The following COX7B2 variants were observed in gnomAD, a reference collection of about 807,000 sequenced individuals.
COX7B2 encodes the protein cytochrome c oxidase subunit 7B2, mitochondrial.
For synonymous variants in COX7B2, 37 were observed against 32.1 expected, an observed-to-expected ratio of 1.15 and a Z score of -0.51; for missense variants, 109 against 95.9, an observed-to-expected ratio of 1.14 and a Z score of -0.57.
At chr4:46,890,340 C>T (rs1268644852) in intron 1 of COX7B2, among the ~76,000 whole-genome samples, 1 of 152,106 alleles carries the variant, frequency 6.6e-6, no homozygotes, top group African/African-American at 2.4e-5. Flanking sequence ...TTTGCCTATG[C>T]CAATAGAAAG....
intron 1 of COX7B2, among the ~76,000 whole-genome samples, chr4:46,891,541 C>A (rs1719431019): frequency 6.6e-6 from 1 of 152,142 alleles, no homozygotes; most frequent in South Asian, 2.1e-4. Flanking sequence ...TTGAATAATA[C>A]TTCTTAAAGT....
At chr4:46,807,550 T>A (rs182269505) in intron 2 of COX7B2, among the ~76,000 whole-genome samples, 1 of 152,006 alleles carries the variant, frequency 6.6e-6, no homozygotes, top group East Asian at 1.9e-4. Flanking sequence ...TTTTGTGGCC[T>A]GAGCTTTTGG....
chr4:46,875,203 T>G (rs1718247735), intron 1 of COX7B2, among the ~76,000 whole-genome samples: 1 of 152,342 alleles, frequency 6.6e-6, no homozygotes, highest in South Asian at 2.1e-4. Flanking sequence ...TGTAGATTTT[T>G]TGGAAATGTT....
At chr4:46,818,499 T>C (rs1484308069) in intron 2 of COX7B2, among the ~76,000 whole-genome samples, 1 of 151,908 alleles carries the variant, frequency 6.6e-6, no homozygotes, top group Non-Finnish European at 1.5e-5. Flanking sequence ...TAGCTGGGTG[T>C]GGTGGCGAGC....
chr4:46,856,211 C>A (rs1717002697), intron 1 of COX7B2, among the ~76,000 whole-genome samples: 1 of 152,008 alleles, frequency 6.6e-6, no homozygotes, highest in Non-Finnish European at 1.5e-5. Flanking sequence ...TGCACTCCAG[C>A]CTGGGCAACA....
At chr4:46,805,304 G>A (rs996451954) in intron 2 of COX7B2, among the ~76,000 whole-genome samples, 1 of 152,384 alleles carries the variant, frequency 6.6e-6, no homozygotes, top group East Asian at 1.9e-4. Flanking sequence ...CCGAGGAGGT[G>A]CCGAGAGCCA....
chr4:46,773,008 A>G (rs1188927659), intron 2 of COX7B2, among the ~76,000 whole-genome samples: 1 of 152,166 alleles, frequency 6.6e-6, no homozygotes, highest in Non-Finnish European at 1.5e-5. Flanking sequence ...AAAGTAGTAA[A>G]TTGGCTGAGG....
intron 2 of COX7B2, among the ~76,000 whole-genome samples, chr4:46,836,195 A>G (rs896694385): frequency 4.6e-5 from 7 of 152,230 alleles, no homozygotes; most frequent in African/African-American, 1.7e-4. Flanking sequence ...TTTCTTCAAT[A>G]ATAAACCTTA....
intron 2 of COX7B2, among the ~76,000 whole-genome samples, chr4:46,818,129 T>C (rs1382210527): frequency 6.6e-6 from 1 of 152,036 alleles, no homozygotes; most frequent in African/African-American, 2.4e-5. Flanking sequence ...TTGGAAAAAT[T>C]AGAATAGGTA....
At chr4:46,905,110 A>G (rs1720297596) in intron 1 of COX7B2, among the ~76,000 whole-genome samples, 2 of 152,198 alleles carry the variant, frequency 1.3e-5, no homozygotes, top group Non-Finnish European at 2.9e-5. Flanking sequence ...TAATATTTGC[A>G]AAGTACATAG....
intron 1 of COX7B2, among the ~76,000 whole-genome samples, chr4:46,893,041 G>A (rs1308449134): frequency 1.3e-5 from 2 of 152,164 alleles, no homozygotes; most frequent in African/African-American, 4.8e-5. Context: ...CCAGCCATAA[G>A]GAACTGTGAG....
At chr4:46,784,349 G>A (rs897212472) in intron 2 of COX7B2, among the ~76,000 whole-genome samples, 5 of 152,214 alleles carry the variant, frequency 3.3e-5, no homozygotes, top group South Asian at 4.1e-4. Flanking sequence ...GAAAAGGGCC[G>A]GGTGCGGTGG....
At chr4:46,781,489 C>A (rs952052925) in intron 2 of COX7B2, among the ~76,000 whole-genome samples, 4 of 152,214 alleles carry the variant, frequency 2.6e-5, no homozygotes, top group South Asian at 2.1e-4. Context: ...CTTTTCAATC[C>A]TTTCCTACAC....
chr4:46,755,445 G>T (rs1363407313), intron 2 of COX7B2, among the ~76,000 whole-genome samples: 1 of 151,974 alleles, frequency 6.6e-6, no homozygotes, highest in South Asian at 2.1e-4. Flanking sequence ...TATTCAACAT[G>T]GCACTAGAAA....
At chr4:46,764,282 C>A (rs10018063) in intron 2 of COX7B2, among the ~76,000 whole-genome samples, 49,776 of 151,734 alleles carry the variant, frequency 0.33, 8,388 homozygotes, top group South Asian at 0.47. Flanking sequence ...CAGTGGCTCA[C>A]GCCTGTAATC....
intron 1 of COX7B2, among the ~76,000 whole-genome samples, chr4:46,852,142 C>G (rs1716731244): frequency 1.3e-5 from 2 of 151,916 alleles, no homozygotes. Flanking sequence ...AAGGGGTTGT[C>G]TCTTTTCCCT....
intron 1 of COX7B2, among the ~76,000 whole-genome samples, chr4:46,895,371 A>C (rs994328411): frequency 9.2e-5 from 14 of 152,198 alleles, no homozygotes; most frequent in Non-Finnish European, 1.3e-4. Flanking sequence ...TATTATCCTT[A>C]GCAAGCTAAA....
At chr4:46,805,894 C>G (rs1236191229) in intron 2 of COX7B2, among the ~76,000 whole-genome samples, 3 of 152,266 alleles carry the variant, frequency 2.0e-5, no homozygotes, top group East Asian at 3.9e-4. Flanking sequence ...AAACCCTTTA[C>G]TAGAAAATAT....
intron 2 of COX7B2, among the ~76,000 whole-genome samples, chr4:46,816,789 T>C (rs902507213): frequency 4.6e-5 from 7 of 152,200 alleles, no homozygotes; most frequent in Non-Finnish European, 8.8e-5. Context: ...AGGTTGTATG[T>C]AGACTAGAAA....
Sources: allele counts gnomAD v4.1 joint callset (sites outside exome capture counted in the v4.1 genomes callset), GRCh38; gene constraint gnomAD v4.1.1; transcripts MANE v1.5; gene names NCBI Gene and HGNC (gene_info 2026-07-23, HGNC 2026-07-21).